Variants in CDKAL1 observed in about 807,000 individuals in gnomAD.
CDKAL1 encodes CDKAL1 threonylcarbamoyladenosine tRNA methylthiotransferase.
In CDKAL1, 32 loss-of-function variants were observed where a neutral mutation model predicts 68.2. The observed-to-expected ratio is 0.47, with a 90% CI of 0.35 to 0.63. CDKAL1 has a LOEUF of 0.63. CDKAL1 is among the 30% of genes least tolerant of loss of function. The pLI, the probability that CDKAL1 is intolerant of heterozygous loss-of-function variation, is 0.00. For missense variants in CDKAL1, 606 were observed against 696.7 expected, an observed-to-expected ratio of 0.87 and a Z score of 1.47; for synonymous variants, 234 against 244.3, an observed-to-expected ratio of 0.96 and a Z score of 0.39.
chr6:20,786,541 A>G (rs1006144398), intron 8 of CDKAL1, among the ~76,000 whole-genome samples: 2 of 120,020 alleles, frequency 1.7e-5, no homozygotes, highest in Non-Finnish European at 3.2e-5. Context: ...TCTGTCACCC[A>G]GGCTGGAGTG....
intron 9 of CDKAL1, among the ~76,000 whole-genome samples, chr6:20,929,774 G>A (rs1355755170): frequency 1.3e-5 from 2 of 152,222 alleles, no homozygotes; most frequent in East Asian, 3.9e-4. Context: ...TGACAGTTGG[G>A]CTGCTGATGG....
At chr6:20,928,056 A>G (rs928195832) in intron 9 of CDKAL1, among the ~76,000 whole-genome samples, 2 of 152,152 alleles carry the variant, frequency 1.3e-5, no homozygotes, top group African/African-American at 4.8e-5. Flanking sequence ...TTAACCAACT[A>G]TTTCATTAAT....
chr6:20,863,817 T>G (rs1306748895), intron 9 of CDKAL1, among the ~76,000 whole-genome samples: 1 of 152,240 alleles, frequency 6.6e-6, no homozygotes, highest in African/African-American at 2.4e-5. Flanking sequence ...TATGAAATGT[T>G]GAAGAAAACT....
At chr6:21,148,737 G>A (rs185407821) in intron 13 of CDKAL1, among the ~76,000 whole-genome samples, 1 of 152,042 alleles carries the variant, frequency 6.6e-6, no homozygotes, top group Non-Finnish European at 1.5e-5. Flanking sequence ...AAGAGTGATA[G>A]TATATTGATT....
At chr6:20,717,020 G>A (rs1158785594) in intron 5 of CDKAL1, among the ~76,000 whole-genome samples, 3 of 152,102 alleles carry the variant, frequency 2.0e-5, no homozygotes, top group Non-Finnish European at 4.4e-5. Context: ...GTGTTGCTGA[G>A]AAATTGAGTT....
intron 4 of CDKAL1, among the ~76,000 whole-genome samples, chr6:20,601,848 TA>T (rs1391625605): frequency 6.6e-6 from 1 of 152,230 alleles, no homozygotes; most frequent in African/African-American, 2.4e-5. Context: ...TTATTCAACC[TA>T]ATGCCTTCTT....
chr6:20,790,927 A>G (rs1208024145), intron 8 of CDKAL1, among the ~76,000 whole-genome samples: 2 of 152,222 alleles, frequency 1.3e-5, no homozygotes, highest in East Asian at 1.9e-4. Flanking sequence ...GGTAGGCACG[A>G]CAGTGTAGAA....
rs763736193 is a variant in CDKAL1 at position 21,099,434 on chromosome 6, TC to T, written c.1237-8966del. Among the ~76,000 whole-genome samples the T allele has an allele frequency of 9.7e-3, 1,474 of 151,956 alleles. 18 individuals are homozygous for T. Among genetic ancestry groups the T allele is most frequent in the African/African-American group, 0.031 (1,280 of 41,470 alleles). ...CAAATATTCTTGTGCTTTTTATTTT[TC>T]TTTTTCCAGCCATTTTTAAATGTAC... is the stretch of plus-strand genomic sequence containing the variant. On this transcript the variant is annotated intron_variant, in intron 12 of 15. Transcript: ENST00000274695.
chr6:21,089,874 G>T (rs1369034601), intron 12 of CDKAL1, among the ~76,000 whole-genome samples: 1 of 152,190 alleles, frequency 6.6e-6, no homozygotes. Flanking sequence ...GAGGACATTG[G>T]ATTCTTGTTT....
intron 4 of CDKAL1, among the ~76,000 whole-genome samples, chr6:20,590,558 C>G (rs1219088033): frequency 6.6e-6 from 1 of 151,938 alleles, no homozygotes; most frequent in Non-Finnish European, 1.5e-5. Context: ...CTCCCTGTGT[C>G]CATGTGTTCT....
At chr6:21,075,916 A>G (rs1443201387) in intron 12 of CDKAL1, among the ~76,000 whole-genome samples, 2 of 152,206 alleles carry the variant, frequency 1.3e-5, no homozygotes, top group Admixed American at 1.3e-4. Context: ...GAAAAAAACA[A>G]TTAGATGGCA....
intron 6 of CDKAL1, among the ~76,000 whole-genome samples, chr6:20,756,405 G>A (rs764756947): frequency 2.4e-4 from 37 of 152,000 alleles, no homozygotes; most frequent in Non-Finnish European, 4.3e-4. Context: ...TTCCCGTATT[G>A]TTAAATCAAA....
chr6:21,034,286 G>A (rs947969472), intron 11 of CDKAL1, among the ~76,000 whole-genome samples: 3 of 152,190 alleles, frequency 2.0e-5, no homozygotes, highest in Non-Finnish European at 4.4e-5. Flanking sequence ...CTCTGCTGTT[G>A]CCAGATGGTC....
intron 13 of CDKAL1, among the ~76,000 whole-genome samples, chr6:21,150,808 A>C (rs539818389): frequency 6.6e-6 from 1 of 152,224 alleles, no homozygotes; most frequent in Non-Finnish European, 1.5e-5. Flanking sequence ...AAATCAGAGT[A>C]ATGAAAACAG....
chr6:20,654,375 T>C (rs1768928734), intron 5 of CDKAL1, among the ~76,000 whole-genome samples: 1 of 152,098 alleles, frequency 6.6e-6, no homozygotes, highest in South Asian at 2.1e-4. Context: ...TTAGATATTA[T>C]ACACGTTGCA....
intron 13 of CDKAL1, among the ~76,000 whole-genome samples, chr6:21,129,989 C>T (rs1562055418): frequency 6.6e-6 from 1 of 151,420 alleles, no homozygotes; most frequent in Non-Finnish European, 1.5e-5. Flanking sequence ...TAAAATGAAA[C>T]CTTGAAATTA....
chr6:20,541,882 A>G (rs1230366751), intron 2 of CDKAL1, among the ~76,000 whole-genome samples: 2 of 151,786 alleles, frequency 1.3e-5, no homozygotes, highest in Non-Finnish European at 2.9e-5. Flanking sequence ...CTGGTCATGA[A>G]CTCCCAACCT....
chr6:20,667,372 G>A (rs1469258059), intron 5 of CDKAL1, among the ~76,000 whole-genome samples: 3 of 152,174 alleles, frequency 2.0e-5, no homozygotes, highest in Non-Finnish European at 4.4e-5. Flanking sequence ...GTGTGGTAAT[G>A]CTTCTTTGTT....
At chr6:20,639,930 G>A (rs1441584564) in intron 4 of CDKAL1, among the ~76,000 whole-genome samples, 2 of 152,230 alleles carry the variant, frequency 1.3e-5, no homozygotes, top group African/African-American at 2.4e-5. Context: ...TGGCCTCCCA[G>A]AGTGCTGGGA....
Sources: gnomAD v4.1 joint callset for allele counts (sites outside exome capture counted in the v4.1 genomes callset) on GRCh38, gnomAD v4.1.1 for gene constraint, MANE v1.5 for transcripts, NCBI Gene and HGNC (gene_info 2026-07-23, HGNC 2026-07-21) for gene names.